CRACD: variants seen among roughly 807,000 people sequenced by gnomAD.
CRACD encodes the protein capping protein inhibiting regulator of actin dynamics.
Under a neutral mutation model 106.8 loss-of-function variants are expected in CRACD, and 56 were observed. That is an observed-to-expected ratio of 0.52 (90% CI 0.42 to 0.66). CRACD has a LOEUF of 0.66. Among genes scored for constraint, CRACD ranks in the 30% least tolerant of loss-of-function variants. The probability of loss-of-function intolerance (pLI) is 0.00; values close to 1 mark genes in which losing one functional copy is unlikely to be tolerated. For missense variants in CRACD, 1,730 were observed against 1,623.2 expected, an observed-to-expected ratio of 1.07 and a Z score of -1.13; for synonymous variants, 754 against 670.8, an observed-to-expected ratio of 1.12 and a Z score of -1.92.
At chr4:56,217,123 G>T (rs1450031184) in intron 2 of CRACD, among the ~76,000 whole-genome samples, 2 of 152,096 alleles carry the variant, frequency 1.3e-5, no homozygotes, top group African/African-American at 4.8e-5. Context: ...GGTAGCACTG[G>T]CTGGGGGTCA....
intron 4 of CRACD, among the ~76,000 whole-genome samples, chr4:56,303,444 G>T (rs1225952581): frequency 1.3e-5 from 2 of 148,264 alleles, no homozygotes; most frequent in Non-Finnish European, 1.5e-5. Context: ...TTAAAGTCTG[G>T]CTTATCTTAA....
intron 1 of CRACD, among the ~76,000 whole-genome samples, chr4:56,080,575 TTTTG>T (rs1732988380): frequency 6.6e-6 from 1 of 152,260 alleles, no homozygotes; most frequent in Non-Finnish European, 1.5e-5. Context: ...AGACTTCTTG[TTTTG>T]TTTATCAGTT....
intron 1 of CRACD, among the ~76,000 whole-genome samples, chr4:56,119,427 C>A (rs1734407167): frequency 6.6e-6 from 1 of 151,830 alleles, no homozygotes; most frequent in African/African-American, 2.4e-5. Context: ...ACCTACTGGG[C>A]TCAAGCGATC....
At chr4:56,247,660 G>C (rs972164978) in intron 2 of CRACD, among the ~76,000 whole-genome samples, 4 of 152,078 alleles carry the variant, frequency 2.6e-5, no homozygotes, top group Non-Finnish European at 5.9e-5. Flanking sequence ...AGCCTGGCCA[G>C]CAGGGCAAAA....
chr4:56,315,902 C>G lies in CRACD; in HGVS notation c.2400C>G (p.Val800=), dbSNP rs781498249. The G allele has an allele frequency of 6.2e-7, 1 of 1,614,060 alleles. No individual in the cohort carries two copies. The highest frequency in any genetic ancestry group is 1.3e-5 in the African/African-American group (1 of 74,942). ...CCAAAGACCTCCCGTCTTTCCTTGTCCCAAGCCTTCCTTACCCTCCGCAGA... is the reference window on the plus strand; with the variant it reads ...CCAAAGACCTCCCGTCTTTCCTTGTGCCAAGCCTTCCTTACCCTCCGCAGA... The part of the protein sequence containing the change: ...KFAKDLPSFL[V]PSLPYPPQKV... Residue 800 remains valine, a synonymous_variant, in exon 8 of 11, where the codon GTC becomes GTG. Transcript: ENST00000682029. The surrounding 1 kb of genome is among the most constrained non-coding windows in gnomAD (Gnocchi z 4.1).
intron 1 of CRACD, among the ~76,000 whole-genome samples, chr4:56,147,318 A>G (rs1205047308): frequency 6.6e-6 from 1 of 152,234 alleles, no homozygotes; most frequent in Non-Finnish European, 1.5e-5. Flanking sequence ...TTTAAAATGC[A>G]TTTTGAGACT....
Position 56,330,475 on chromosome 4 carries a change from CAGTAA to C in CRACD, c.*2676_*2680del, listed in dbSNP as rs142058478. On this transcript the variant is annotated 3_prime_UTR_variant, in exon 11 of 11. Transcript: ENST00000682029. ...AAGTGTCTTACAATATTTTTACCAA[CAGTAA>C]AGTAGAGACTTAATGAAAATACCTT... Among the ~76,000 whole-genome samples the C allele has an allele frequency of 0.01, 1,590 of 152,116 alleles. 10 individuals carry two copies. Among genetic ancestry groups the C allele is most frequent in the Middle Eastern group, 0.017 (5 of 294 alleles).
intron 1 of CRACD, among the ~76,000 whole-genome samples, chr4:56,151,403 T>C (rs896407016): frequency 6.6e-5 from 10 of 152,184 alleles, no homozygotes; most frequent in Admixed American, 6.5e-5. Context: ...TTGCCTTTTT[T>C]TTTTAACAGT....
intron 2 of CRACD, among the ~76,000 whole-genome samples, chr4:56,203,766 C>T (rs1302249298): frequency 6.6e-6 from 1 of 152,154 alleles, no homozygotes; most frequent in Non-Finnish European, 1.5e-5. Context: ...GATTCCATGC[C>T]CATGAAGCTG....
At chr4:56,220,832 G>A (rs776246229) in intron 2 of CRACD, among the ~76,000 whole-genome samples, 3 of 152,162 alleles carry the variant, frequency 2.0e-5, no homozygotes, top group African/African-American at 4.8e-5. Flanking sequence ...GGGGAGCACA[G>A]TCCCTGGTAG....
Position 56,292,062 on chromosome 4 carries a change from G to A in CRACD, c.-16-6152G>A, listed in dbSNP as rs543238005. ...AAATGCTGATAGTTATATGGACAGTGAAGGCCAGGCTGATGCGGTCTCAGA... is the reference window on the plus strand; with the variant it reads ...AAATGCTGATAGTTATATGGACAGTAAAGGCCAGGCTGATGCGGTCTCAGA... On this transcript the variant is annotated intron_variant, in intron 3 of 10. Coordinates refer to ENST00000682029, the MANE Select transcript of CRACD (RefSeq NM_001393381.1). Among the ~76,000 whole-genome samples, 9 of 152,276 alleles carry A rather than the reference G, an allele frequency of 5.9e-5. No individual in the cohort carries two copies. In the South Asian group the frequency reaches 1.9e-3, roughly 32 times the overall value.
chr4:56,144,581 C>T (rs1428258651), intron 1 of CRACD, among the ~76,000 whole-genome samples: 1 of 151,708 alleles, frequency 6.6e-6, no homozygotes, highest in Non-Finnish European at 1.5e-5. Flanking sequence ...TTTTATTTTT[C>T]TACCTCTTTC....
chr4:56,277,921 G>T (rs758412254), intron 3 of CRACD, among the ~76,000 whole-genome samples: 2 of 151,738 alleles, frequency 1.3e-5, no homozygotes, highest in Admixed American at 6.6e-5. Context: ...GCATCAAAAA[G>T]AATAAACGAC....
chr4:56,131,032 A>C (rs905498992), intron 1 of CRACD, among the ~76,000 whole-genome samples: 3 of 152,222 alleles, frequency 2.0e-5, no homozygotes, highest in African/African-American at 7.2e-5. Flanking sequence ...AAAATAAAAC[A>C]TAACCTGGAT....
intron 2 of CRACD, among the ~76,000 whole-genome samples, chr4:56,233,059 G>A (rs886269501): frequency 4.0e-5 from 6 of 151,846 alleles, no homozygotes; most frequent in Admixed American, 6.6e-5. Context: ...ATTTTTTTGT[G>A]TGCTTATTTA....
At chr4:56,224,606 A>G (rs1739201320) in intron 2 of CRACD, among the ~76,000 whole-genome samples, 1 of 152,246 alleles carries the variant, frequency 6.6e-6, no homozygotes, top group Non-Finnish European at 1.5e-5. Flanking sequence ...TCAAAAAACA[A>G]TAGATGTTGG....
chr4:56,314,295 A>G lies in CRACD; in HGVS notation c.793A>G (p.Arg265Gly), dbSNP rs935792054. 1 of 1,555,210 alleles carries G rather than the reference A, an allele frequency of 6.4e-7. No homozygotes were observed. The highest frequency in any genetic ancestry group is 1.4e-5 in the African/African-American group (1 of 73,396). Reference sequence around the variant, plus strand: ...GGAGAGGAGGCTTTGGGAAGAGAACAGAAGGCAGGAGCTCTTGGAGGAGGA... The same window carrying G: ...GGAGAGGAGGCTTTGGGAAGAGAACGGAAGGCAGGAGCTCTTGGAGGAGGA... ...ALERRLWEEN[R>G]RQELLEEEGE... Residue 265 changes from arginine (R) to glycine (G), a missense_variant, in exon 8 of 11, where the codon AGA becomes GGA. Around this residue, in one of 5 missense-constraint regions of CRACD, gnomAD observed 1,620 missense variants for 1,481.6 expected, o/e 1.09. Coordinates refer to ENST00000682029, the MANE Select transcript of CRACD (RefSeq NM_001393381.1). This position sits in a 1 kb window ranked among gnomAD's most constrained non-coding sequence, Gnocchi z 4.4.
chr4:56,259,339 G>A (rs942883404), intron 2 of CRACD, among the ~76,000 whole-genome samples: 3 of 152,110 alleles, frequency 2.0e-5, no homozygotes, highest in Admixed American at 1.3e-4. Context: ...ACTTCAGGTT[G>A]TAAATTGACG....
chr4:56,152,638 G>A (rs1487468450), intron 1 of CRACD, among the ~76,000 whole-genome samples: 1 of 152,086 alleles, frequency 6.6e-6, no homozygotes, highest in African/African-American at 2.4e-5. Context: ...GTTCAAGGGT[G>A]CAGTGAGCTA....
Sources: allele counts gnomAD v4.1 joint callset (sites outside exome capture counted in the v4.1 genomes callset), GRCh38; gene constraint gnomAD v4.1.1; regional missense constraint gnomAD v4.1.1; non-coding constraint Gnocchi (gnomAD v3.1); transcripts MANE v1.5; gene names NCBI Gene and HGNC (gene_info 2026-07-23, HGNC 2026-07-21).